Variants in CA8 observed in about 807,000 individuals in gnomAD.
The protein encoded by CA8 is carbonic anhydrase 8 (inactive), also known as carbonic anhydrase-related protein.
A neutral mutation model predicts 41.4 loss-of-function variants in CA8; 22 were observed. The ratio of observed to expected loss-of-function variants is 0.53; its 90% CI spans 0.38 to 0.76. The LOEUF (loss-of-function observed/expected upper bound fraction) is 0.76. Among genes scored for constraint, CA8 ranks in the 30% least tolerant of loss-of-function variants. The pLI, the probability that CA8 is intolerant of heterozygous loss-of-function variation, is 0.00. For missense variants in CA8, 270 were observed against 352.8 expected (o/e 0.77, Z 1.88); for synonymous variants, 121 against 130.6 (o/e 0.93, Z 0.50).
intron 3 of CA8, among the ~76,000 whole-genome samples, chr8:60,257,286 C>T (rs1174853790): frequency 6.6e-6 from 1 of 152,126 alleles, no homozygotes; most frequent in Non-Finnish European, 1.5e-5. Context: ...ATCCAAAAAG[C>T]TTTTTGCATC....
chr8:60,191,879 T>C (rs1806141535), intron 8 of CA8, among the ~76,000 whole-genome samples: 5 of 152,136 alleles, frequency 3.3e-5, no homozygotes, highest in African/African-American at 1.2e-4. Flanking sequence ...ACATCCACAG[T>C]GCAACAGATG....
chr8:60,200,731 A>C (rs1461385727), intron 8 of CA8, among the ~76,000 whole-genome samples: 2 of 152,104 alleles, frequency 1.3e-5, no homozygotes, highest in Non-Finnish European at 2.9e-5. Flanking sequence ...GACAATAACT[A>C]ACCACCACAA....
intron 8 of CA8, among the ~76,000 whole-genome samples, chr8:60,200,889 T>C (rs975236727): frequency 6.6e-6 from 1 of 152,192 alleles, no homozygotes; most frequent in African/African-American, 2.4e-5. Flanking sequence ...TTATTTTATA[T>C]ATTTTTATTT....
chr8:60,226,849 A>G (rs770541606), intron 5 of CA8, 24 bp downstream of exon 5: 4 of 1,419,810 alleles, frequency 2.8e-6, no homozygotes, highest in African/African-American at 1.4e-5. Context: ...CAGTATTTCT[A>G]TATTATTTTA....
chr8:60,274,635 G>T (rs961327139), intron 2 of CA8, among the ~76,000 whole-genome samples: 7 of 152,128 alleles, frequency 4.6e-5, no homozygotes, highest in Admixed American at 1.3e-4. Flanking sequence ...GGGCTCCAGG[G>T]AGCCTGTTTG....
At chr8:60,249,892 C>T (rs1808386433) in intron 3 of CA8, among the ~76,000 whole-genome samples, 1 of 152,102 alleles carries the variant, frequency 6.6e-6, no homozygotes, top group Non-Finnish European at 1.5e-5. Flanking sequence ...TAATAAGTTT[C>T]AAGAATGGAT....
chr8:60,231,471 T>G (rs1807645294), intron 4 of CA8, among the ~76,000 whole-genome samples: 1 of 152,212 alleles, frequency 6.6e-6, no homozygotes. Flanking sequence ...GGGCCCATTA[T>G]CGAACTCTCT....
intron 3 of CA8, among the ~76,000 whole-genome samples, chr8:60,249,190 C>T (rs552978987): frequency 3.9e-5 from 6 of 152,132 alleles, no homozygotes; most frequent in Admixed American, 1.3e-4. Flanking sequence ...TTAGAGGTAA[C>T]GTAGCCATCT....
At chr8:60,229,194 C>G (rs77554333) in intron 4 of CA8, among the ~76,000 whole-genome samples, 29 of 151,834 alleles carry the variant, frequency 1.9e-4, no homozygotes, top group Non-Finnish European at 3.8e-4. Context: ...AACTCAATCT[C>G]TCCTTATCTT....
intron 3 of CA8, among the ~76,000 whole-genome samples, chr8:60,255,192 T>C (rs983956793): frequency 1.3e-5 from 2 of 152,178 alleles, no homozygotes; most frequent in Admixed American, 1.3e-4. Flanking sequence ...TGTTGTGAAA[T>C]CTGAGCTACT....
chr8:60,201,598 T>C (rs1198665177), intron 8 of CA8, among the ~76,000 whole-genome samples: 1 of 152,046 alleles, frequency 6.6e-6, no homozygotes, highest in Non-Finnish European at 1.5e-5. Flanking sequence ...CATTTTTTGG[T>C]GAGGAAAAAA....
chr8:60,232,444 A>C, intron 3 of CA8, 65 bp from the exon 4 acceptor site: 1 of 1,080,838 alleles, frequency 9.3e-7, no homozygotes, highest in Non-Finnish European at 1.4e-6. Flanking sequence ...AAAAGCAAAG[A>C]TATAGCCATT....
chr8:60,231,327 C>T (rs1038730650), intron 4 of CA8, among the ~76,000 whole-genome samples: 2 of 152,062 alleles, frequency 1.3e-5, no homozygotes, highest in African/African-American at 4.8e-5. Flanking sequence ...TTGCAAGATG[C>T]TGATTTTAAA....
At chr8:60,259,248 A>C (rs1449219000) in intron 3 of CA8, among the ~76,000 whole-genome samples, 1 of 152,256 alleles carries the variant, frequency 6.6e-6, no homozygotes, top group Non-Finnish European at 1.5e-5. Context: ...AATGTATTTT[A>C]CTGCAGAATT....
intron 8 of CA8, among the ~76,000 whole-genome samples, chr8:60,207,684 C>T (rs1806676001): frequency 6.6e-6 from 1 of 152,254 alleles, no homozygotes. Context: ...TCCACCTCCA[C>T]TGTTCCTATT....
intron 8 of CA8, among the ~76,000 whole-genome samples, chr8:60,190,438 T>C (rs1188547527): frequency 9.5e-5 from 1 of 10,560 alleles, no homozygotes; most frequent in Non-Finnish European, 1.9e-4. Flanking sequence ...GCAGAATATA[T>C]ATATATATAT....
chr8:60,221,257 C>T (rs1807234680), intron 7 of CA8, among the ~76,000 whole-genome samples: 1 of 152,138 alleles, frequency 6.6e-6, no homozygotes, highest in Non-Finnish European at 1.5e-5. Context: ...GGGTTTCTTC[C>T]ATATGTGTTT....
intron 4 of CA8, among the ~76,000 whole-genome samples, chr8:60,227,760 T>C (rs1807491041): frequency 6.6e-6 from 1 of 152,230 alleles, no homozygotes; most frequent in Non-Finnish European, 1.5e-5. Flanking sequence ...ACTACCCTTC[T>C]ATTCTTAAAT....
intron 7 of CA8, among the ~76,000 whole-genome samples, chr8:60,210,877 G>T (rs369398234): frequency 6.6e-6 from 1 of 152,182 alleles, no homozygotes; most frequent in Non-Finnish European, 1.5e-5. Flanking sequence ...TCTATTGCTT[G>T]TTGCATCTGA....
Sources: allele counts gnomAD v4.1 joint callset (sites outside exome capture counted in the v4.1 genomes callset), GRCh38; gene constraint gnomAD v4.1.1; transcripts MANE v1.5; gene names NCBI Gene and HGNC (gene_info 2026-07-23, HGNC 2026-07-21).